ARHGEF10: variants seen among roughly 807,000 people sequenced by gnomAD.
ARHGEF10 encodes the protein Rho guanine nucleotide exchange factor (GEF) 10.
In ARHGEF10, 140 loss-of-function variants were observed where a neutral mutation model predicts 147.4. The observed-to-expected ratio is 0.95, with a 90% confidence interval of 0.83 to 1.09. The LOEUF (loss-of-function observed/expected upper bound fraction) is 1.09. Ranked by LOEUF, ARHGEF10 falls within the 50% of genes least tolerant of loss-of-function variation. ARHGEF10 has a pLI of 0.00. For missense variants in ARHGEF10, 2,222 were observed against 1,752.7 expected, an observed-to-expected ratio of 1.27 and a Z score of -4.78; for synonymous variants, 902 against 695.8, an observed-to-expected ratio of 1.30 and a Z score of -4.67.
intron 24 of ARHGEF10, among the ~76,000 whole-genome samples, chr8:1,929,070 A>G (rs539658662): frequency 3.9e-4 from 58 of 148,406 alleles, no homozygotes; most frequent in African/African-American, 1.3e-3. Flanking sequence ...CACAGTAGGA[A>G]GAACTAAGTT....
chr8:1,854,716 A>G (rs1369984243), intron 2 of ARHGEF10, among the ~76,000 whole-genome samples: 1 of 152,162 alleles, frequency 6.6e-6, no homozygotes, highest in Non-Finnish European at 1.5e-5. Context: ...TTACTAGGGG[A>G]AAAAGTGAGT....
At chr8:1,941,610 C>A (rs956297893) in intron 26 of ARHGEF10, among the ~76,000 whole-genome samples, 1 of 151,734 alleles carries the variant, frequency 6.6e-6, no homozygotes, top group African/African-American at 2.4e-5. Context: ...ACTTGACAAG[C>A]ACATCCTGAG....
At chr8:1,828,015 A>C (rs1038159889) in intron 1 of ARHGEF10, among the ~76,000 whole-genome samples, 5 of 152,208 alleles carry the variant, frequency 3.3e-5, no homozygotes, top group Non-Finnish European at 7.3e-5. Context: ...TCTAGGTTCC[A>C]ATATCTTAAT....
At chr8:1,929,149 T>C (rs1285396431) in intron 24 of ARHGEF10, 137 bp from the exon 25 acceptor site, 2 of 940,306 alleles carry the variant, frequency 2.1e-6, no homozygotes, top group African/African-American at 3.3e-5. Flanking sequence ...TTTTTAAAAG[T>C]ACTGGCAAGT....
chr8:1,872,351 C>T (rs954362154), intron 7 of ARHGEF10, among the ~76,000 whole-genome samples: 3 of 152,150 alleles, frequency 2.0e-5, no homozygotes, highest in African/African-American at 7.2e-5. Flanking sequence ...AGCGGACAAA[C>T]CCCTCAGTCG....
chr8:1,923,859 G>A lies in ARHGEF10; in HGVS notation c.2473G>A (p.Ala825Thr). The change falls in exon 21 of 29, where the codon GCC becomes ACC. Residue 825 changes from alanine (A) to threonine (T), a missense_variant. Transcript: ENST00000349830. Reference protein sequence around the residue: ...KESWVNSLQMAKLALEEENHM... With the variant: ...KESWVNSLQMTKLALEEENHM... ...GTCCTGGGTCAACAGCTTACAGATGGCCAAGCTCGCCCTAGGTAAGGCCTG... is the reference window on the plus strand; with the variant it reads ...GTCCTGGGTCAACAGCTTACAGATGACCAAGCTCGCCCTAGGTAAGGCCTG... The A allele has an allele frequency of 6.2e-7, 1 of 1,614,128 alleles. No individual in the cohort carries two copies.
chr8:1,891,992 C>G (rs1452247039), intron 11 of ARHGEF10, among the ~76,000 whole-genome samples: 1 of 148,362 alleles, frequency 6.7e-6, no homozygotes, highest in African/African-American at 2.5e-5. Context: ...AATATAGGTA[C>G]ACATATCAAT....
chr8:1,925,325 G>A lies in ARHGEF10; in HGVS notation c.2531G>A (p.Gly844Glu). 2 of 1,614,158 alleles carry A rather than the reference G, an allele frequency of 1.2e-6. No individual in the cohort carries two copies. Among genetic ancestry groups the A allele is most frequent in the Non-Finnish European group, 1.7e-6 (2 of 1,180,026 alleles). The stretch of plus-strand genomic sequence containing the variant: ...GGCTGGTTCTGTGTGGAAGACGATG[G>A]GAATCACATTAAAAAGGAGAAGCAT... ...HMGWFCVEDD[G>E]NHIKKEKHPL... is the part of the protein sequence containing the mutation. Residue 844 changes from glycine (G) to glutamate (E), a missense_variant, in exon 22 of 29, where the codon GGG (glycine) becomes GAG (glutamate). By Grantham distance (98) the Gly-to-Glu change is moderately conservative. Coordinates refer to ENST00000349830, the MANE Select transcript of ARHGEF10 (RefSeq NM_014629.4).
intron 26 of ARHGEF10, among the ~76,000 whole-genome samples, chr8:1,936,619 C>T (rs1401588819): frequency 6.6e-6 from 1 of 152,166 alleles, no homozygotes; most frequent in Non-Finnish European, 1.5e-5. Context: ...GTTCTAATGA[C>T]TAAATCTACA....
At chr8:1,899,393 C>T (rs772073656) in intron 15 of ARHGEF10, among the ~76,000 whole-genome samples, 51 of 152,190 alleles carry the variant, frequency 3.4e-4, no homozygotes, top group Non-Finnish European at 8.8e-5. Flanking sequence ...GAGGACTTTG[C>T]TTGGACTGCC....
At chr8:1,951,215 C>G (rs898341206) in intron 27 of ARHGEF10, among the ~76,000 whole-genome samples, 3 of 152,258 alleles carry the variant, frequency 2.0e-5, no homozygotes, top group Admixed American at 1.3e-4. Flanking sequence ...CGGCTGCGCC[C>G]CGGGCTGCTC....
At chr8:1,898,356 T>G in intron 14 of ARHGEF10, 77 bp from the exon 15 acceptor site, 1 of 1,275,920 alleles carries the variant, frequency 7.8e-7, no homozygotes, top group Non-Finnish European at 1.1e-6. Context: ...TTCAGTGTGG[T>G]GGGGAGGAGG....
At chr8:1,833,135 G>GACAGAA (rs1398173171) in intron 1 of ARHGEF10, among the ~76,000 whole-genome samples, 11 of 127,108 alleles carry the variant, frequency 8.7e-5, no homozygotes, top group African/African-American at 3.1e-4. Context: ...CAGAGGCAGA[G>GACAGAA]GCAGAGACAG....
At chr8:1,908,922 T>C (rs1005744824) in intron 17 of ARHGEF10, among the ~76,000 whole-genome samples, 2 of 152,216 alleles carry the variant, frequency 1.3e-5, no homozygotes, top group African/African-American at 2.4e-5. Context: ...GAGAGTTAAC[T>C]CTTATGAAAC....
At chr8:1,898,376 G>A in intron 14 of ARHGEF10, 57 bp from the exon 15 acceptor site, 1 of 1,506,658 alleles carries the variant, frequency 6.6e-7, no homozygotes, top group South Asian at 1.1e-5. Context: ...GCGGCCCCAG[G>A]GGCAGGGAGG....
At chr8:1,829,851 G>A (rs577976530) in intron 1 of ARHGEF10, among the ~76,000 whole-genome samples, 14 of 152,278 alleles carry the variant, frequency 9.2e-5, no homozygotes, top group African/African-American at 2.9e-4. Context: ...CTGGGACGGC[G>A]GCAGGCACCC....
intron 27 of ARHGEF10, among the ~76,000 whole-genome samples, chr8:1,951,492 T>C (rs1004436375): frequency 1.3e-5 from 2 of 152,234 alleles, no homozygotes; most frequent in Non-Finnish European, 2.9e-5. Context: ...TCTTTCTTTT[T>C]CTGTAGTGAG....
chr8:1,903,324 C>T lies in ARHGEF10; in HGVS notation c.1694C>T (p.Pro565Leu). The T allele has an allele frequency of 6.2e-7, 1 of 1,614,118 alleles. No individual in the cohort carries two copies. The highest frequency in any genetic ancestry group is 8.5e-7 in the Non-Finnish European group (1 of 1,180,024). ...NTSKGHPDRL[P>L]LQMALTELET... ...TCCAAAGGCCACCCCGACAGGCTGC[C>T]TCTTCAGATGGCCCTGACAGAGCTC... The change falls in exon 16 of 29, where the codon CCT becomes CTT. Residue 565 changes from proline (P) to leucine (L), a missense_variant. Pro to Leu is a moderately conservative substitution (Grantham distance 98). Transcript: ENST00000349830.
Position 1,937,843 on chromosome 8 carries a change from T to C in ARHGEF10, c.3222+3901T>C, listed in dbSNP as rs1351750798. Among the ~76,000 whole-genome samples, 1 of 152,160 alleles carries C rather than the reference T, an allele frequency of 6.6e-6. No homozygotes were observed. Among genetic ancestry groups the C allele is most frequent in the African/African-American group, 2.4e-5 (1 of 41,438 alleles). ...GGCTTGGGTTGAGCGGGTTGGGAGA[T>C]GCTAGCCATATTTGGAAGAAAAAGG... is the stretch of plus-strand genomic sequence containing the variant. On this transcript the variant is annotated intron_variant, in intron 26 of 28. Coordinates refer to ENST00000349830, the MANE Select transcript of ARHGEF10 (RefSeq NM_014629.4). This position sits in a 1 kb window ranked among gnomAD's most constrained non-coding sequence, Gnocchi z 4.9.
Sources: allele counts gnomAD v4.1 joint callset (sites outside exome capture counted in the v4.1 genomes callset), GRCh38; gene constraint gnomAD v4.1.1; non-coding constraint Gnocchi (gnomAD v3.1); transcripts MANE v1.5; gene names NCBI Gene and HGNC (gene_info 2026-07-23, HGNC 2026-07-21).